SEMA4D: variants seen among roughly 807,000 people sequenced by gnomAD.
SEMA4D encodes semaphorin-4D.
A neutral mutation model predicts 74.8 loss-of-function variants in SEMA4D; 22 were observed. The ratio of observed to expected loss-of-function variants is 0.29; its 90% CI spans 0.21 to 0.42. The LOEUF (loss-of-function observed/expected upper bound fraction) is 0.42. SEMA4D is among the 10% of genes least tolerant of loss of function. SEMA4D has a pLI of 1.00. For missense variants in SEMA4D, 937 were observed against 1,118.4 expected, an observed-to-expected ratio of 0.84 and a Z score of 2.31; for synonymous variants, 445 against 463.7, an observed-to-expected ratio of 0.96 and a Z score of 0.52.
chr9:89,375,549 T>C (rs960354857), downstream of SEMA4D, among the ~76,000 whole-genome samples: 5 of 152,240 alleles, frequency 3.3e-5, no homozygotes, highest in Non-Finnish European at 7.3e-5. Flanking sequence ...CAGGAGCTAC[T>C]GACAGTGTGT....
rs796519571 is a variant in SEMA4D, at chr9:89,371,184, G to T, written c.1882+5649C>A. On this transcript the variant is annotated intron_variant, in intron 16 of 18. Coordinates refer to the SEMA4D transcript ENST00000339861. ...GGGGTGTATAAGGTGTGTGTGGGGGGGGTGTGGTGTGTATCTGGGGTGTGG... is the reference window on the plus strand; with the variant it reads ...GGGGTGTATAAGGTGTGTGTGGGGGTGGTGTGGTGTGTATCTGGGGTGTGG... Among the ~76,000 whole-genome samples the T allele has an allele frequency of 1.9e-3, 254 of 130,858 alleles. 28 individuals are homozygous for T. In the East Asian group the frequency reaches 0.039, roughly 20 times the overall value. The allele number at this position is 130,858 out of a possible 152,430, so 85.8% of individuals were successfully genotyped here.
chr9:89,446,136 G>A (rs56924203), intron 2 of SEMA4D, among the ~76,000 whole-genome samples: 8,941 of 152,078 alleles, frequency 0.059, 504 homozygotes, highest in East Asian at 0.29. Context: ...CCACTTATCT[G>A]GGCACCCGAG....
chr9:89,428,298 C>T (rs185447011), intron 2 of SEMA4D, among the ~76,000 whole-genome samples: 2 of 152,364 alleles, frequency 1.3e-5, no homozygotes, highest in East Asian at 3.9e-4. Context: ...CCTTCTGGGC[C>T]TCACATTCGA....
At chr9:89,439,828 C>T (rs542008261) in intron 2 of SEMA4D, among the ~76,000 whole-genome samples, 1 of 152,242 alleles carries the variant, frequency 6.6e-6, no homozygotes, top group African/African-American at 2.4e-5. Context: ...TCAGTGATGC[C>T]CCCACTTCAC....
At position 89,387,545 on chromosome 9, in the gene SEMA4D, G is replaced by A. The variant is rs1023583634; in HGVS notation, c.1171C>T (p.Leu391=). 1 of 1,614,250 alleles carries A rather than the reference G, an allele frequency of 6.2e-7. No individual in the cohort carries two copies. Among genetic ancestry groups the A allele is most frequent in the Non-Finnish European group, 8.5e-7 (1 of 1,180,052 alleles). The change falls in exon 12 of 16, where the codon CTG becomes TTG. Residue 391 remains leucine (L), a synonymous_variant. Coordinates refer to ENST00000422704, the MANE Select transcript of SEMA4D (RefSeq NM_001371194.2). ...AAAGGGTGGTCTTTAACGAACTGCA[G>A]CGTCTTGTCTGGCAAATTCAAGGAG... The part of the protein sequence containing the change: ...TSSLNLPDKT[L]QFVKDHPLMD...
chr9:89,401,637 T>G (rs918071068), intron 4 of SEMA4D, among the ~76,000 whole-genome samples: 4 of 152,302 alleles, frequency 2.6e-5, no homozygotes, highest in African/African-American at 9.6e-5. Flanking sequence ...TCTTTAAATC[T>G]ATGACTTCAT....
chr9:89,468,402 C>A (rs1400057556), intron 1 of SEMA4D, among the ~76,000 whole-genome samples: 2 of 152,158 alleles, frequency 1.3e-5, no homozygotes, highest in South Asian at 4.1e-4. Context: ...GAAAAAATGT[C>A]TACTTTATGA....
At chr9:89,479,902 G>T (rs1359091737) in intron 1 of SEMA4D, 2 of 151,382 alleles carry the variant, frequency 1.3e-5, no homozygotes, top group African/African-American at 4.9e-5. Flanking sequence ...ATGCTGGCTC[G>T]GGCAGCCTGC....
chr9:89,444,470 G>T (rs1852365022), intron 2 of SEMA4D, among the ~76,000 whole-genome samples: 1 of 152,194 alleles, frequency 6.6e-6, no homozygotes, highest in Non-Finnish European at 1.5e-5. Flanking sequence ...GAGACAAGCA[G>T]GCCAGCGAGT....
At chr9:89,453,498 T>A (rs888421627) in intron 2 of SEMA4D, among the ~76,000 whole-genome samples, 1 of 152,238 alleles carries the variant, frequency 6.6e-6, no homozygotes, top group Non-Finnish European at 1.5e-5. Flanking sequence ...ATCCTATGCT[T>A]CTAGGGGAAG....
At chr9:89,460,599 C>G (rs530695099) in intron 1 of SEMA4D, among the ~76,000 whole-genome samples, 1 of 152,346 alleles carries the variant, frequency 6.6e-6, no homozygotes, top group Admixed American at 6.5e-5. Context: ...ACATGTTTAA[C>G]CGAGGTTCCA....
At chr9:89,383,373 A>G (rs1837631298) in intron 13 of SEMA4D, among the ~76,000 whole-genome samples, 1 of 152,230 alleles carries the variant, frequency 6.6e-6, no homozygotes, top group South Asian at 2.1e-4. Flanking sequence ...GGTGCGAGTC[A>G]TACAGATGCC....
At chr9:89,384,866 T>G in intron 13 of SEMA4D, 1 of 985,388 alleles carries the variant, frequency 1.0e-6, no homozygotes, top group Non-Finnish European at 1.2e-6. Context: ...GCCATGGAGC[T>G]GGGCCTTCCA....
intron 1 of SEMA4D, among the ~76,000 whole-genome samples, chr9:89,485,311 T>C (rs1350217243): frequency 6.6e-6 from 1 of 152,222 alleles, no homozygotes; most frequent in Non-Finnish European, 1.5e-5. Context: ...AATGTTACTA[T>C]GGCACATCCT....
chr9:89,437,246 A>G (rs1334073287), intron 2 of SEMA4D, among the ~76,000 whole-genome samples: 1 of 152,172 alleles, frequency 6.6e-6, no homozygotes, highest in Non-Finnish European at 1.5e-5. Context: ...AGTGCAATGA[A>G]GTGTGGCTCG....
chr9:89,399,614 C>T (rs544773033), intron 4 of SEMA4D, among the ~76,000 whole-genome samples: 1 of 152,242 alleles, frequency 6.6e-6, no homozygotes, highest in South Asian at 2.1e-4. Flanking sequence ...AAATCAAACT[C>T]GTGAAAGTGG....
At chr9:89,467,525 C>T (rs943266881) in intron 1 of SEMA4D, among the ~76,000 whole-genome samples, 2 of 146,430 alleles carry the variant, frequency 1.4e-5, no homozygotes, top group African/African-American at 2.5e-5. Flanking sequence ...CACCTGGGAG[C>T]GCATGATTTT....
chr9:89,484,322 GAC>G lies in SEMA4D; in HGVS notation c.-310+13595_-310+13596del, dbSNP rs1564005628. ...TAGGAAAAGTGTGCAAAGCTCTCAA[GAC>G]TCCGATGCATACGGGGTATGTGTGT... On this transcript the variant is annotated intron_variant, in intron 1 of 15. Coordinates refer to ENST00000422704, the MANE Select transcript of SEMA4D (RefSeq NM_001371194.2). The surrounding 1 kb of genome is among the most constrained non-coding windows in gnomAD (Gnocchi z 4.1). Among the ~76,000 whole-genome samples, 1 of 152,226 alleles carries G rather than the reference GAC, an allele frequency of 6.6e-6. No homozygotes were observed. The highest frequency in any genetic ancestry group is 1.5e-5 in the Non-Finnish European group (1 of 68,046).
intron 16 of SEMA4D, among the ~76,000 whole-genome samples, chr9:89,366,175 T>A (rs1833636265): frequency 6.6e-6 from 1 of 152,146 alleles, no homozygotes; most frequent in South Asian, 2.1e-4. Flanking sequence ...AAACAATATC[T>A]AGGAATGTGT....
Sources: allele counts gnomAD v4.1 joint callset (sites outside exome capture counted in the v4.1 genomes callset), GRCh38; gene constraint gnomAD v4.1.1; non-coding constraint Gnocchi (gnomAD v3.1); transcripts MANE v1.5; gene names NCBI Gene and HGNC (gene_info 2026-07-23, HGNC 2026-07-21).